LDLRAD1: variants seen among roughly 807,000 people sequenced by gnomAD.
LDLRAD1 encodes the protein low density lipoprotein receptor class A domain containing 1, also known as low-density lipoprotein receptor class A domain-containing protein 1.
LDLRAD1 carries 17 observed loss-of-function variants against 24.8 expected under a neutral mutation model. That is an observed-to-expected ratio of 0.69 (90% confidence interval 0.47 to 1.03). The LOEUF (loss-of-function observed/expected upper bound fraction) is 1.03, where lower values mean the gene tolerates loss of function less well. Among genes scored for constraint, LDLRAD1 ranks in the 50% least tolerant of loss-of-function variants. The pLI, the probability that LDLRAD1 is intolerant of heterozygous loss-of-function variation, is 0.00. For missense variants in LDLRAD1, 277 were observed against 271.0 expected (o/e 1.02, Z -0.16); for synonymous variants, 103 against 108.2 (o/e 0.95, Z 0.30).
At chr1:54,013,759 G>A (rs1453169691) in intron 3 of LDLRAD1, among the ~76,000 whole-genome samples, 4 of 152,142 alleles carry the variant, frequency 2.6e-5, no homozygotes, top group Admixed American at 2.0e-4. Context: ...ACGTCTAGAC[G>A]GCTCTCGGAA....
chr1:54,008,706 T>C lies in LDLRAD1; in HGVS notation c.*276A>G. ...CTGGGACTATAGGTGTGCACCGCCA[T>C]GCCTGGCTAATTTTTGTATTTTTGG... On this transcript the variant is annotated 3_prime_UTR_variant, in exon 6 of 6. Coordinates refer to ENST00000371360, the MANE Select transcript of LDLRAD1 (RefSeq NM_001010978.4). 2.8e-6 allele frequency: 1 copy of C among 358,290 alleles called. No homozygotes were observed. The highest frequency in any genetic ancestry group is 5.2e-6 in the Non-Finnish European group (1 of 191,682). The allele number at this position is 358,290 out of a possible 1,614,324, so 22.2% of individuals were successfully genotyped here. A position where few individuals can be genotyped will look rare whatever the true frequency, so the allele number is the denominator to read the frequency against.
chr1:54,008,899 C>CATTAAAAAAT lies in LDLRAD1; in HGVS notation c.*82_*83insATTTTTTAAT. ...CCCATTTCAAAGGCTGCTTCCTGCC[C>CATTAAAAAAT]TTGTGCGCTAGGATTTGATTTTCAT... On this transcript the variant is annotated 3_prime_UTR_variant, in exon 6 of 6. Transcript: ENST00000371360. 8.6e-7 allele frequency: 1 copy of CATTAAAAAAT among 1,156,492 alleles called. No homozygotes were observed. Among genetic ancestry groups the CATTAAAAAAT allele is most frequent in the Non-Finnish European group, 1.1e-6 (1 of 875,558 alleles). 71.6% of individuals were successfully genotyped at this position (1,156,492 alleles called of 1,614,324 possible). A position where few individuals can be genotyped will look rare whatever the true frequency, so the allele number is the denominator to read the frequency against.
chr1:54,015,645 G>GTTTTTTGTGT (rs1656272386), intron 2 of LDLRAD1, among the ~76,000 whole-genome samples: 1 of 122,786 alleles, frequency 8.1e-6, no homozygotes, highest in Non-Finnish European at 1.8e-5. Flanking sequence ...GGGGGCTTTT[G>GTTTTTTGTGT]TTTTTTTTGT....
chr1:54,009,113 A>G lies in LDLRAD1; in HGVS notation c.487T>C (p.Cys163Arg), dbSNP rs1391983905. 1 of 1,613,768 alleles carries G rather than the reference A, an allele frequency of 6.2e-7. No homozygotes were observed. Among genetic ancestry groups the G allele is most frequent in the African/African-American group, 1.3e-5 (1 of 74,896 alleles). Residue 163 changes from cysteine to arginine, a missense_variant, in exon 6 of 6, where the codon TGC becomes CGC. Transcript: ENST00000371360. Reference protein sequence around the residue: ...ELSPVTVCPPCGPGWWRCPST... With the variant: ...ELSPVTVCPPRGPGWWRCPST... ...GGACAGCGCCACCACCCAGGGCCGC[A>G]GGGTGGGCACACAGTTACTGCAGAG...
rs1397827861 is a variant in LDLRAD1 at position 54,010,175 on chromosome 1, T to G, written c.469+107A>C. 3.1e-6 allele frequency: 4 copies of G among 1,310,644 alleles called. No homozygotes were observed. In the African/African-American group the frequency reaches 5.8e-5, roughly 19 times the overall value. 81.2% of individuals were successfully genotyped at this position (1,310,644 alleles called of 1,614,324 possible). On this transcript the variant is annotated intron_variant, in intron 5 of 5. Transcript: ENST00000371360. Reference sequence around the variant, plus strand: ...AGGGGTAGAAAACTCCTTCCTAGGATGCAGGGAAGCATGCAAGGGGGAGCC... The same window carrying G: ...AGGGGTAGAAAACTCCTTCCTAGGAGGCAGGGAAGCATGCAAGGGGGAGCC...
chr1:54,008,999 C>A lies in LDLRAD1; in HGVS notation c.601G>T (p.Ala201Ser). 6.2e-7 allele frequency: 1 copy of A among 1,613,792 alleles called. No individual in the cohort carries two copies. The highest frequency in any genetic ancestry group is 8.5e-7 in the Non-Finnish European group (1 of 1,179,836). Residue 201 changes from alanine (A) to serine (S), a missense_variant, in exon 6 of 6, where the codon GCC (alanine) becomes TCC (serine). Coordinates refer to ENST00000371360, the MANE Select transcript of LDLRAD1 (RefSeq NM_001010978.4). ...QHCSDWSDEY[A>S]CPGP ...TGGCCCACTCAGGGTCCGGGACAGG[C>A]ATACTCATCGGACCAGTCGGAGCAG...
At chr1:54,014,392 G>T (rs769666186) in intron 2 of LDLRAD1, 28 bp from the exon 3 acceptor site, 5 of 1,525,726 alleles carry the variant, frequency 3.3e-6, no homozygotes, top group Non-Finnish European at 4.4e-6. Context: ...AAGCCCGGGG[G>T]TGGTGGTGAT....
At chr1:54,009,615 C>T (rs1655963429) in intron 5 of LDLRAD1, among the ~76,000 whole-genome samples, 1 of 152,176 alleles carries the variant, frequency 6.6e-6, no homozygotes, top group Admixed American at 6.5e-5. Flanking sequence ...TTGATTCCTC[C>T]AGGTCCCCAG....
rs184714964 is a variant in LDLRAD1, at chr1:54,008,961, A to C, written c.*21T>G. On this transcript the variant is annotated 3_prime_UTR_variant, in exon 6 of 6. Coordinates refer to ENST00000371360, the MANE Select transcript of LDLRAD1 (RefSeq NM_001010978.4). ...TCAGTGCCATTCCAGCCAGCCTTCC[A>C]TGCTGGCCTGAGTGGCCCACTCAGG... is the stretch of plus-strand genomic sequence containing the variant. The C allele has an allele frequency of 1.9e-6, 3 of 1,598,894 alleles. No homozygotes were observed. The highest frequency in any genetic ancestry group is 2.3e-5 in the East Asian group (1 of 44,434).
chr1:54,017,525 T>C, intron 1 of LDLRAD1, 98 bp from the exon 2 acceptor site: 1 of 1,008,194 alleles, frequency 9.9e-7, no homozygotes, highest in South Asian at 1.4e-5. Flanking sequence ...ACTGAGAGAG[T>C]CTTAGGTAGA....
intron 4 of LDLRAD1, among the ~76,000 whole-genome samples, chr1:54,011,564 C>T (rs1252074328): frequency 6.6e-6 from 1 of 152,202 alleles, no homozygotes; most frequent in Non-Finnish European, 1.5e-5. Flanking sequence ...GGCTCTCTCT[C>T]TCCTGTGGGG....
At position 54,015,334 on chromosome 1, in the gene LDLRAD1, T is replaced by C. The variant is rs549972023; in HGVS notation, c.74-970A>G. On this transcript the variant is annotated intron_variant, in intron 2 of 5. Coordinates refer to ENST00000371360, the MANE Select transcript of LDLRAD1 (RefSeq NM_001010978.4). ...ATTCTAAGCACTATGGAGATAGCAG[T>C]GATAGGGGACGTCCCTGCTCTTGTA... is the stretch of plus-strand genomic sequence containing the variant. 3.3e-5 allele frequency among the ~76,000 whole-genome samples: 5 copies of C among 152,314 alleles called. No homozygotes were observed. The East Asian group carries it at 9.7e-4, about 29-fold the overall frequency.
rs945071860 is a variant in LDLRAD1 at position 54,012,355 on chromosome 1, G to C, written c.203-75C>G. Reference sequence around the variant, plus strand: ...GACAAACCTTCCTCACCTGAACTCCGCCTAGAGCTGGCCTGAGGGGCTGGG... The same window carrying C: ...GACAAACCTTCCTCACCTGAACTCCCCCTAGAGCTGGCCTGAGGGGCTGGG... On this transcript the variant is annotated intron_variant, in intron 3 of 5. Coordinates refer to ENST00000371360, the MANE Select transcript of LDLRAD1 (RefSeq NM_001010978.4). 3.3e-6 allele frequency: 5 copies of C among 1,525,164 alleles called. No homozygotes were observed. The Admixed American group carries it at 6.7e-5, about 21-fold the overall frequency. 94.5% of individuals were successfully genotyped at this position (1,525,164 alleles called of 1,614,324 possible).
chr1:54,015,214 C>T (rs1016792666), intron 2 of LDLRAD1, among the ~76,000 whole-genome samples: 1 of 152,108 alleles, frequency 6.6e-6, no homozygotes, highest in Non-Finnish European at 1.5e-5. Flanking sequence ...AAGCAGTCCT[C>T]CTGCCTCAAC....
At chr1:54,011,831 C>T (rs1027986566) in intron 4 of LDLRAD1, among the ~76,000 whole-genome samples, 1 of 152,178 alleles carries the variant, frequency 6.6e-6, no homozygotes, top group Non-Finnish European at 1.5e-5. Flanking sequence ...ACTGTGGAAG[C>T]CCAAAGGAGA....
intron 2 of LDLRAD1, 108 bp from the exon 3 acceptor site, chr1:54,014,472 AG>A: frequency 9.2e-7 from 1 of 1,090,742 alleles, no homozygotes; most frequent in Non-Finnish European, 1.3e-6. Context: ...CTCCCCCACG[AG>A]GGTGAGCAGA....
chr1:54,014,116 A>T, intron 3 of LDLRAD1, 120 bp downstream of exon 3: 1 of 1,170,998 alleles, frequency 8.5e-7, no homozygotes, highest in Non-Finnish European at 1.2e-6. Flanking sequence ...CATGCACCTT[A>T]AGGAATTAGT....
In LDLRAD1 at chr1:54,011,382, CCTGGGATGCAAGCAGAGG is replaced by C. The variant is rs541885256; in HGVS notation, c.340+743_340+760del. Among the ~76,000 whole-genome samples, 81 of 152,180 alleles carry C rather than the reference CCTGGGATGCAAGCAGAGG, an allele frequency of 5.3e-4. 1 individual carries two copies. In the Middle Eastern group the frequency reaches 0.01, roughly 19 times the overall value. ...GAAAAACCTTCCAATCCTTGCATCC[CCTGGGATGCAAGCAGAGG>C]CTGGGTGGCCTCGGTTGGGCTTGCT... On this transcript the variant is annotated intron_variant, in intron 4 of 5. Coordinates refer to ENST00000371360, the MANE Select transcript of LDLRAD1 (RefSeq NM_001010978.4).
chr1:54,009,379 A>C (rs1655954831), intron 5 of LDLRAD1, among the ~76,000 whole-genome samples: 1 of 152,080 alleles, frequency 6.6e-6, no homozygotes, highest in African/African-American at 2.4e-5. Context: ...CAAGCAAAGG[A>C]TGTCAGGCAA....
Sources: allele counts gnomAD v4.1 joint callset (sites outside exome capture counted in the v4.1 genomes callset), GRCh38; gene constraint gnomAD v4.1.1; transcripts MANE v1.5; gene names NCBI Gene and HGNC (gene_info 2026-07-23, HGNC 2026-07-21).